Variants in ARHGAP31 observed in about 807,000 individuals in gnomAD.
ARHGAP31 encodes the protein rho GTPase-activating protein 31.
ARHGAP31 carries 34 observed loss-of-function variants against 113.9 expected under a neutral mutation model. The observed-to-expected ratio is 0.30, with a 90% CI of 0.23 to 0.40. The LOEUF (loss-of-function observed/expected upper bound fraction) is 0.40. Among genes scored for constraint, ARHGAP31 ranks in the 10% least tolerant of loss-of-function variants. The pLI, the probability that ARHGAP31 is intolerant of heterozygous loss-of-function variation, is 1.00. For synonymous variants in ARHGAP31, 650 were observed against 684.8 expected, an observed-to-expected ratio of 0.95 and a Z score of 0.79; for missense variants, 1,548 against 1,767.1, an observed-to-expected ratio of 0.88 and a Z score of 2.22.
At chr3:119,387,209 C>T (rs561323993) in intron 6 of ARHGAP31, among the ~76,000 whole-genome samples, 135 of 152,352 alleles carry the variant, frequency 8.9e-4, no homozygotes, top group Non-Finnish European at 1.7e-3. Context: ...TCTTCCCAGA[C>T]GCTGGCTTCA....
chr3:119,402,483 C>A, intron 10 of ARHGAP31, 86 bp downstream of exon 10: 1 of 1,429,270 alleles, frequency 7.0e-7, no homozygotes, highest in Non-Finnish European at 9.6e-7. Context: ...CAATATAGTG[C>A]GGTGGTTAAG....
chr3:119,415,108 G>A lies in ARHGAP31; in HGVS notation c.3179G>A (p.Gly1060Asp), dbSNP rs886057801. ...CACAGCAGTCCACAGATTAGGCAAGGTGGTGTTCCTGGGCCAGAGAGCAGC... is the reference window on the plus strand; with the variant it reads ...CACAGCAGTCCACAGATTAGGCAAGATGGTGTTCCTGGGCCAGAGAGCAGC... ...LGHSSPQIRQ[G>D]GVPGPESSKE... The change falls in exon 12 of 12, where the codon GGT becomes GAT. Residue 1060 changes from glycine (G) to aspartate (D), a missense_variant. Physicochemically the swap from Gly to Asp is moderately conservative, Grantham distance 94 (BLOSUM62 -1). Coordinates refer to ENST00000264245, the MANE Select transcript of ARHGAP31 (RefSeq NM_020754.4). The A allele has an allele frequency of 6.2e-7, 1 of 1,614,216 alleles. No homozygotes were observed. The highest frequency in any genetic ancestry group is 8.5e-7 in the Non-Finnish European group (1 of 1,180,044).
At chr3:119,402,514 A>T in intron 10 of ARHGAP31, 117 bp downstream of exon 10, 1 of 1,112,006 alleles carries the variant, frequency 9.0e-7, no homozygotes, top group Admixed American at 2.0e-5. Flanking sequence ...CTAGAGCCCG[A>T]TTGGGTACAA....
chr3:119,329,285 A>C (rs1381401546), intron 1 of ARHGAP31, among the ~76,000 whole-genome samples: 1 of 152,198 alleles, frequency 6.6e-6, no homozygotes, highest in South Asian at 2.1e-4. Context: ...GCCACATATC[A>C]ATATAGCCTG....
At chr3:119,295,048 G>A (rs1045547109) in intron 1 of ARHGAP31, 44 bp downstream of exon 1, 1 of 1,568,222 alleles carries the variant, frequency 6.4e-7, no homozygotes, top group Non-Finnish European at 8.8e-7. Flanking sequence ...CCTTCTTTTT[G>A]TTTGAGGGAG....
At chr3:119,386,541 G>A (rs544178409) in intron 6 of ARHGAP31, among the ~76,000 whole-genome samples, 1 of 152,212 alleles carries the variant, frequency 6.6e-6, no homozygotes. Flanking sequence ...TATTGCTTTT[G>A]TAGGGACCAG....
At chr3:119,332,633 T>TCACACA (rs1430812568) in intron 1 of ARHGAP31, among the ~76,000 whole-genome samples, 45 of 61,564 alleles carry the variant, frequency 7.3e-4, no homozygotes, top group Non-Finnish European at 1.1e-3. Context: ...TCTCTCTCTC[T>TCACACA]CTCACACACA....
At chr3:119,356,415 G>A (rs1009185869) in intron 1 of ARHGAP31, among the ~76,000 whole-genome samples, 2 of 152,132 alleles carry the variant, frequency 1.3e-5, no homozygotes, top group African/African-American at 4.8e-5. Flanking sequence ...TAGATCACCT[G>A]AGGTCGGGAG....
Position 119,416,475 on chromosome 3 carries a change from CT to C in ARHGAP31, c.*212del, listed in dbSNP as rs1384964962. 1 of 667,572 alleles carries C rather than the reference CT, an allele frequency of 1.5e-6. No homozygotes were observed. The highest frequency in any genetic ancestry group is 1.8e-5 in the African/African-American group (1 of 55,620). The allele number at this position is 667,572 out of a possible 1,614,324, so 41.4% of individuals were successfully genotyped here. On this transcript the variant is annotated 3_prime_UTR_variant, in exon 12 of 12. Transcript: ENST00000264245. ...AACGAGAGATGAAATTTAGTTAAGT[CT>C]ATGTGAGCAAGTGAGAGAAGGTTAG...
intron 2 of ARHGAP31, among the ~76,000 whole-genome samples, chr3:119,366,599 C>T (rs1256413334): frequency 6.6e-6 from 1 of 152,118 alleles, no homozygotes; most frequent in African/African-American, 2.4e-5. Context: ...CACACAGTAC[C>T]TACCACACAG....
At chr3:119,382,264 T>TA (rs745879223) in intron 4 of ARHGAP31, 28 bp from the exon 5 acceptor site, 74 of 1,605,756 alleles carry the variant, frequency 4.6e-5, no homozygotes, top group Non-Finnish European at 5.6e-5. Flanking sequence ...TGAAGTTTCT[T>TA]ACTTTGTCAA....
intron 1 of ARHGAP31, among the ~76,000 whole-genome samples, chr3:119,353,749 C>T (rs548325141): frequency 5.7e-5 from 8 of 141,136 alleles, no homozygotes; most frequent in Non-Finnish European, 1.2e-4. Flanking sequence ...GATTGCACCA[C>T]TGCACTCCAG....
chr3:119,356,110 A>G (rs1020021604), intron 1 of ARHGAP31, among the ~76,000 whole-genome samples: 8 of 152,272 alleles, frequency 5.3e-5, no homozygotes, highest in South Asian at 2.1e-4. Context: ...TTATTCGACA[A>G]TTTTCTTCAG....
intron 7 of ARHGAP31, among the ~76,000 whole-genome samples, chr3:119,392,774 C>T (rs1288825148): frequency 6.6e-6 from 1 of 152,260 alleles, no homozygotes; most frequent in African/African-American, 2.4e-5. Context: ...CTGCTACTCT[C>T]CTCAGCCTCA....
intron 11 of ARHGAP31, among the ~76,000 whole-genome samples, chr3:119,411,208 A>G (rs1389784625): frequency 1.3e-5 from 2 of 152,178 alleles, no homozygotes; most frequent in South Asian, 2.1e-4. Flanking sequence ...CCTAAGGGCA[A>G]TGGGAAAGCA....
chr3:119,312,066 A>G (rs1210254517), intron 1 of ARHGAP31, among the ~76,000 whole-genome samples: 1 of 152,268 alleles, frequency 6.6e-6, no homozygotes, highest in African/African-American at 2.4e-5. Flanking sequence ...TTGAGTGACC[A>G]TTTTAAATCT....
At position 119,405,739 on chromosome 3, in the gene ARHGAP31, T is replaced by G. The variant is rs117928685; in HGVS notation, c.1645+3342T>G. Among the ~76,000 whole-genome samples, 186 of 152,354 alleles carry G rather than the reference T, an allele frequency of 1.2e-3. 1 individual carries two copies. The East Asian group carries it at 0.02, about 17-fold the overall frequency. On this transcript the variant is annotated intron_variant, in intron 10 of 11. Transcript: ENST00000264245. ...CCCGCTTTGTGTATAATGTGTCACA[T>G]GCTGGGAACGTGACAATGCCCTTCC...
intron 1 of ARHGAP31, among the ~76,000 whole-genome samples, chr3:119,322,239 A>G: frequency 6.6e-6 from 1 of 152,232 alleles, no homozygotes; most frequent in East Asian, 1.9e-4. Flanking sequence ...TTTGGCAAAG[A>G]CAAGAAGGGA....
At chr3:119,304,356 T>G (rs2079611946) in intron 1 of ARHGAP31, among the ~76,000 whole-genome samples, 1 of 152,152 alleles carries the variant, frequency 6.6e-6, no homozygotes, top group Admixed American at 6.5e-5. Flanking sequence ...CAGAGTGGGT[T>G]GTTTTCACCA....
Sources: gnomAD v4.1 joint callset for allele counts (sites outside exome capture counted in the v4.1 genomes callset) on GRCh38, gnomAD v4.1.1 for gene constraint, MANE v1.5 for transcripts, NCBI Gene and HGNC (gene_info 2026-07-23, HGNC 2026-07-21) for gene names.